HMGN3: variants seen among roughly 807,000 people sequenced by gnomAD.
The protein encoded by HMGN3 is high mobility group nucleosomal binding domain 3.
A neutral mutation model predicts 18.8 loss-of-function variants in HMGN3; 6 were observed. That is an observed-to-expected ratio of 0.32 (90% CI 0.18 to 0.63). The LOEUF is 0.63. Ranked by LOEUF, HMGN3 falls within the 30% of genes least tolerant of loss-of-function variation. The pLI is 0.79. For missense variants in HMGN3, 107 were observed against 114.2 expected, an observed-to-expected ratio of 0.94 and a Z score of 0.29; for synonymous variants, 40 against 36.5, an observed-to-expected ratio of 1.10 and a Z score of -0.35.
intron 1 of HMGN3, among the ~76,000 whole-genome samples, chr6:79,221,337 T>G (rs1200737038): frequency 6.6e-6 from 1 of 152,206 alleles, no homozygotes; most frequent in African/African-American, 2.4e-5. Flanking sequence ...GGAGTGTGGA[T>G]TCCTTCAACA....
chr6:79,228,105 G>C (rs1198708773), intron 1 of HMGN3, among the ~76,000 whole-genome samples: 1 of 152,098 alleles, frequency 6.6e-6, no homozygotes, highest in African/African-American at 2.4e-5. Flanking sequence ...TTCTTCTTTG[G>C]ACATTCAGCC....
intron 4 of HMGN3, among the ~76,000 whole-genome samples, chr6:79,202,993 C>T (rs1014956784): frequency 3.9e-5 from 6 of 152,124 alleles, no homozygotes; most frequent in Non-Finnish European, 7.4e-5. Flanking sequence ...GGGCAGAGTG[C>T]AGAAAAGCCA....
At chr6:79,234,388 G>GA in intron 1 of HMGN3, 158 bp downstream of exon 1, 1 of 585,058 alleles carries the variant, frequency 1.7e-6, no homozygotes, top group Non-Finnish European at 3.1e-6. Flanking sequence ...ACAGAGAGAG[G>GA]AACGTCTGCA....
intron 3 of HMGN3, 145 bp from the exon 4 acceptor site, chr6:79,203,775 C>T (rs1346578374): frequency 6.0e-6 from 4 of 665,166 alleles, no homozygotes; most frequent in Non-Finnish European, 7.9e-6. Context: ...ATTTTCAGCA[C>T]CAGGTAACAG....
chr6:79,203,140 C>T (rs1196348996), intron 4 of HMGN3, among the ~76,000 whole-genome samples: 1 of 152,096 alleles, frequency 6.6e-6, no homozygotes, highest in Non-Finnish European at 1.5e-5. Context: ...ACTATAAGGG[C>T]CTTATAAATG....
At chr6:79,203,838 C>CT (rs998757597) in intron 3 of HMGN3, among the ~76,000 whole-genome samples, 2 of 152,210 alleles carry the variant, frequency 1.3e-5, no homozygotes, top group African/African-American at 2.4e-5. Flanking sequence ...CACAAGGGAA[C>CT]TGCAGGTGAG....
chr6:79,208,406 A>G, intron 3 of HMGN3, 141 bp downstream of exon 3: 1 of 733,272 alleles, frequency 1.4e-6, no homozygotes, highest in Non-Finnish European at 2.4e-6. Context: ...CAAATTTGCT[A>G]GACATGAGGA....
chr6:79,226,421 A>T (rs1346376776), intron 1 of HMGN3, among the ~76,000 whole-genome samples: 2 of 152,204 alleles, frequency 1.3e-5, no homozygotes, highest in Non-Finnish European at 2.9e-5. Context: ...TATTAATGCA[A>T]AGTGCTAAAA....
intron 1 of HMGN3, among the ~76,000 whole-genome samples, chr6:79,226,310 T>C (rs562975030): frequency 3.3e-5 from 5 of 152,332 alleles, no homozygotes; most frequent in African/African-American, 7.2e-5. Flanking sequence ...TCACAGGTGC[T>C]GTGGGGAAGT....
chr6:79,202,068 C>T, intron 5 of HMGN3: 2 of 1,537,348 alleles, frequency 1.3e-6, no homozygotes, highest in Non-Finnish European at 1.7e-6. Flanking sequence ...TTAACTCTCA[C>T]TGTTTCAATC....
intron 3 of HMGN3, among the ~76,000 whole-genome samples, chr6:79,204,832 C>T (rs1181826506): frequency 6.6e-6 from 1 of 152,188 alleles, no homozygotes; most frequent in Admixed American, 6.5e-5. Context: ...CTTCTTATCA[C>T]CCTAAATCTG....
rs532032613 is a variant in HMGN3 at position 79,221,767 on chromosome 6, A to G, written c.16-6745T>C. 8.9e-4 allele frequency among the ~76,000 whole-genome samples: 136 copies of G among 152,268 alleles called. 4 individuals carry two copies. The South Asian group carries it at 0.027, about 30-fold the overall frequency. ...GGAGAGGCAGGAGGCAGAGAAGTTT[A>G]ACGCTACTGCACTAGGAGTGATCTT... On this transcript the variant is annotated intron_variant, in intron 1 of 5. Transcript: ENST00000344726.
intron 1 of HMGN3, among the ~76,000 whole-genome samples, chr6:79,225,040 TTAAA>T (rs1224827821): frequency 6.6e-6 from 1 of 152,214 alleles, no homozygotes; most frequent in Non-Finnish European, 1.5e-5. Flanking sequence ...AAAAAATGTA[TTAAA>T]TAAAATACAT....
chr6:79,222,477 C>A (rs1777350376), intron 1 of HMGN3, among the ~76,000 whole-genome samples: 1 of 152,166 alleles, frequency 6.6e-6, no homozygotes, highest in African/African-American at 2.4e-5. Context: ...AGGGCACTGT[C>A]CATGAAATTC....
At chr6:79,222,835 A>T (rs1055308481) in intron 1 of HMGN3, among the ~76,000 whole-genome samples, 2 of 152,150 alleles carry the variant, frequency 1.3e-5, no homozygotes, top group South Asian at 4.1e-4. Flanking sequence ...GCAGGCTACT[A>T]TGTCTTTTGT....
chr6:79,234,434 T>A, intron 1 of HMGN3, 112 bp downstream of exon 1: 1 of 988,950 alleles, frequency 1.0e-6, no homozygotes, highest in Admixed American at 1.9e-5. Context: ...GGAGCAAAGA[T>A]TCCCAATCCC....
intron 3 of HMGN3, among the ~76,000 whole-genome samples, chr6:79,205,021 T>C (rs1049665035): frequency 2.0e-5 from 3 of 152,202 alleles, no homozygotes; most frequent in African/African-American, 7.2e-5. Context: ...TTCAAGTGTT[T>C]TGATAGGACC....
intron 1 of HMGN3, among the ~76,000 whole-genome samples, chr6:79,231,472 A>G (rs1777832043): frequency 6.6e-6 from 1 of 152,244 alleles, no homozygotes. Context: ...ATATGCACTG[A>G]AGAACTCTTC....
At chr6:79,209,759 T>C (rs1483639117) in intron 2 of HMGN3, among the ~76,000 whole-genome samples, 1 of 152,224 alleles carries the variant, frequency 6.6e-6, no homozygotes, top group Non-Finnish European at 1.5e-5. Context: ...GGAAGAAATA[T>C]TTCTTGCCAT....
Sources: allele counts gnomAD v4.1 joint callset (sites outside exome capture counted in the v4.1 genomes callset), GRCh38; gene constraint gnomAD v4.1.1; transcripts MANE v1.5; gene names NCBI Gene and HGNC (gene_info 2026-07-23, HGNC 2026-07-21).